The following ROBO2 variants were observed in gnomAD, a reference collection of about 807,000 sequenced individuals.
ROBO2 encodes the protein roundabout homolog 2.
ROBO2 carries 53 observed loss-of-function variants against 160.8 expected under a neutral mutation model. The observed-to-expected ratio is 0.33, with a 90% CI of 0.26 to 0.41. The LOEUF is 0.41. ROBO2 is among the 10% of genes least tolerant of loss of function. The probability of loss-of-function intolerance (pLI) is 1.00; values close to 1 mark genes in which losing one functional copy is unlikely to be tolerated. For missense variants in ROBO2, 1,577 were observed against 1,722.4 expected (o/e 0.92, Z 1.49); for synonymous variants, 664 against 611.7 (o/e 1.09, Z -1.26).
At chr3:77,358,640 G>A (rs1052399899) in intron 2 of ROBO2, among the ~76,000 whole-genome samples, 8 of 152,106 alleles carry the variant, frequency 5.3e-5, no homozygotes, top group African/African-American at 1.7e-4. Flanking sequence ...ATATATCCAC[G>A]TGCATCTACG....
At chr3:77,613,288 C>A (rs572270364) in intron 21 of ROBO2, among the ~76,000 whole-genome samples, 1 of 151,374 alleles carries the variant, frequency 6.6e-6, no homozygotes, top group African/African-American at 2.4e-5. Flanking sequence ...ATCTTACTAC[C>A]TATGGAGTTT....
intron 6 of ROBO2, among the ~76,000 whole-genome samples, chr3:77,534,668 T>C (rs1261210918): frequency 6.6e-6 from 1 of 152,238 alleles, no homozygotes; most frequent in African/African-American, 2.4e-5. Context: ...ATTAAAAATA[T>C]ATAAACTAGC....
intron 2 of ROBO2, among the ~76,000 whole-genome samples, chr3:76,440,109 G>A (rs754698086): frequency 5.3e-5 from 8 of 152,150 alleles, no homozygotes; most frequent in Non-Finnish European, 1.2e-4. Context: ...CTGCTAGAGA[G>A]ACTACCTGAA....
chr3:76,565,455 G>A lies in ROBO2; in HGVS notation c.110-532559G>A, dbSNP rs191570287. ...GTAACTCTAAAATTCCACAGTTCTT[G>A]GATTCCAGTTTTATGGCGTCAAGTT... is the stretch of plus-strand genomic sequence containing the variant. On this transcript the variant is annotated intron_variant, in intron 2 of 26. Transcript: ENST00000487694. Among the ~76,000 whole-genome samples, 1,036 of 152,186 alleles carry A rather than the reference G, an allele frequency of 6.8e-3. 11 individuals are homozygous for A. The highest frequency in any genetic ancestry group is 0.011 in the Non-Finnish European group (717 of 68,012).
At chr3:76,450,817 T>C (rs556920941) in intron 2 of ROBO2, among the ~76,000 whole-genome samples, 1 of 152,318 alleles carries the variant, frequency 6.6e-6, no homozygotes, top group Non-Finnish European at 1.5e-5. Flanking sequence ...GCTTTAAAAA[T>C]ATTTTAAGAC....
At chr3:76,978,796 T>G (rs1217150366) in intron 2 of ROBO2, among the ~76,000 whole-genome samples, 2 of 152,026 alleles carry the variant, frequency 1.3e-5, no homozygotes, top group Non-Finnish European at 2.9e-5. Context: ...TGCACATATA[T>G]GAATACGATT....
Position 76,887,194 on chromosome 3 carries a change from A to ATT in ROBO2, c.110-210795_110-210794dup, listed in dbSNP as rs5850296. Among the ~76,000 whole-genome samples, 231 of 76,582 alleles carry ATT rather than the reference A, an allele frequency of 3.0e-3. 25 individuals carry two copies. The highest frequency in any genetic ancestry group is 0.011 in the African/African-American group (178 of 15,746). The allele number at this position is 76,582 out of a possible 152,430, so 50.2% of individuals were successfully genotyped here. A position where few individuals can be genotyped will look rare whatever the true frequency, so the allele number is the denominator to read the frequency against. ...TTGCCCTGCCTTTGCTTCAGGAAGC[A>ATT]TTTTTTTTTTTTTTTTTTTTTTTTT... is the stretch of plus-strand genomic sequence containing the variant. On this transcript the variant is annotated intron_variant, in intron 2 of 26. Transcript: ENST00000487694.
At chr3:76,686,746 C>T (rs1245151372) in intron 2 of ROBO2, among the ~76,000 whole-genome samples, 1 of 152,004 alleles carries the variant, frequency 6.6e-6, no homozygotes, top group Non-Finnish European at 1.5e-5. Flanking sequence ...GGCTTGACTT[C>T]TGGAGTTCAA....
At chr3:77,461,641 T>TA (rs951207750) in intron 2 of ROBO2, among the ~76,000 whole-genome samples, 2 of 151,466 alleles carry the variant, frequency 1.3e-5, no homozygotes, top group African/African-American at 2.4e-5. Context: ...ATTAGATTTT[T>TA]AAAAAAAATT....
chr3:76,747,117 G>A (rs1019498506), intron 2 of ROBO2, among the ~76,000 whole-genome samples: 2 of 152,034 alleles, frequency 1.3e-5, no homozygotes, highest in Non-Finnish European at 2.9e-5. Flanking sequence ...AAACATATGC[G>A]TGCATGTATC....
chr3:76,847,349 G>A (rs1300418592), intron 2 of ROBO2, among the ~76,000 whole-genome samples: 1 of 152,096 alleles, frequency 6.6e-6, no homozygotes. Context: ...TTTTGCTCAT[G>A]TTGCTCCTTA....
chr3:77,347,831 C>T (rs1489119053), intron 2 of ROBO2, among the ~76,000 whole-genome samples: 1 of 152,078 alleles, frequency 6.6e-6, no homozygotes, highest in Non-Finnish European at 1.5e-5. Flanking sequence ...GTTAATTTCA[C>T]CTTCTTGCCC....
At chr3:76,005,954 G>T (rs755036817) in intron 2 of ROBO2, among the ~76,000 whole-genome samples, 9 of 152,018 alleles carry the variant, frequency 5.9e-5, no homozygotes, top group Non-Finnish European at 1.2e-4. Flanking sequence ...ATAAATGTTT[G>T]CTTACAAAAC....
At chr3:77,213,360 T>C (rs1323079235) in intron 2 of ROBO2, among the ~76,000 whole-genome samples, 1 of 152,204 alleles carries the variant, frequency 6.6e-6, no homozygotes, top group Non-Finnish European at 1.5e-5. Context: ...TCTAGTTTAT[T>C]TGCATAGAGT....
chr3:76,000,512 G>A lies in ROBO2; in HGVS notation c.109+62910G>A, dbSNP rs575553336. On this transcript the variant is annotated intron_variant, in intron 2 of 26. Transcript: ENST00000487694. ...TTATTTTTTTTTTTTTTTTTTTGAC[G>A]GACTCTCACTCTGTCCCCCAGGCTG... is the stretch of plus-strand genomic sequence containing the variant. 1.7e-4 allele frequency among the ~76,000 whole-genome samples: 25 copies of A among 143,582 alleles called. No individual in the cohort carries two copies. In the South Asian group the frequency reaches 4.4e-3, roughly 25 times the overall value. 94.2% of individuals were successfully genotyped at this position (143,582 alleles called of 152,430 possible).
At chr3:76,233,331 A>G (rs766236610) in intron 2 of ROBO2, among the ~76,000 whole-genome samples, 1 of 151,934 alleles carries the variant, frequency 6.6e-6, no homozygotes, top group Non-Finnish European at 1.5e-5. Context: ...TTTAGTAGAG[A>G]TGGGGTTTCA....
At chr3:77,092,285 A>G (rs2070396865) in intron 1 of ROBO2, 1 of 151,396 alleles carries the variant, frequency 6.6e-6, no homozygotes, top group Admixed American at 6.6e-5. Flanking sequence ...AATGAACCTT[A>G]GAAGAGGTCT....
rs1430485964 is a variant in ROBO2, at chr3:76,194,348, GTGTAAATATATATATA to G, written c.109+256748_109+256763del. On this transcript the variant is annotated intron_variant, in intron 2 of 26. Coordinates refer to the ROBO2 transcript ENST00000487694. ...ATATATCTATATAAATATGTATGGT[GTGTAAATATATATATA>G]TATATATATATATATATATATAGTG... is the stretch of plus-strand genomic sequence containing the variant. 1.3e-4 allele frequency among the ~76,000 whole-genome samples: 6 copies of G among 45,710 alleles called. 1 individual carries two copies. Among genetic ancestry groups the G allele is most frequent in the African/African-American group, 2.6e-4 (4 of 15,508 alleles). 30.0% of individuals were successfully genotyped at this position (45,710 alleles called of 152,430 possible). A position where few individuals can be genotyped will look rare whatever the true frequency, so the allele number is the denominator to read the frequency against.
chr3:77,243,536 G>A (rs1037146810), intron 2 of ROBO2, among the ~76,000 whole-genome samples: 2 of 152,096 alleles, frequency 1.3e-5, no homozygotes, highest in Admixed American at 6.5e-5. Flanking sequence ...AAAATAGGGT[G>A]ACTATTCTGG....
Sources: gnomAD v4.1 joint callset for allele counts (sites outside exome capture counted in the v4.1 genomes callset) on GRCh38, gnomAD v4.1.1 for gene constraint, MANE v1.5 for transcripts, NCBI Gene and HGNC (gene_info 2026-07-23, HGNC 2026-07-21) for gene names.